SFI1: variants seen among roughly 807,000 people sequenced by gnomAD.
SFI1 encodes the protein SFI1 centrin binding protein.
In SFI1, 195 loss-of-function variants were observed where a neutral mutation model predicts 207.5. The observed-to-expected ratio is 0.94, with a 90% confidence interval of 0.84 to 1.06. The LOEUF (loss-of-function observed/expected upper bound fraction) is 1.06, where lower values mean the gene tolerates loss of function less well. Among genes scored for constraint, SFI1 ranks in the 50% least tolerant of loss-of-function variants. SFI1 has a pLI of 0.00. For missense variants in SFI1, 1,634 were observed against 1,588.0 expected (o/e 1.03, Z -0.49); for synonymous variants, 630 against 598.9 (o/e 1.05, Z -0.76).
chr22:31,559,465 G>A (rs757807173), intron 7 of SFI1: 18 of 451,598 alleles, frequency 4.0e-5, no homozygotes, highest in Middle Eastern at 7.5e-4. Flanking sequence ...CCTACACACC[G>A]CCAGTTGTGT....
chr22:31,616,349 A>C, intron 29 of SFI1: 2 of 173,542 alleles, frequency 1.2e-5, no homozygotes, highest in East Asian at 1.6e-4. Flanking sequence ...AGAGGAGGGC[A>C]TGGAAAAGGC....
intron 3 of SFI1, among the ~76,000 whole-genome samples, chr22:31,530,295 C>T (rs1602215132): frequency 6.8e-6 from 1 of 148,102 alleles, no homozygotes; most frequent in East Asian, 2.0e-4. Flanking sequence ...TCGAGACCAT[C>T]CTGGCTAACA....
chr22:31,555,513 G>T (rs971746584), intron 6 of SFI1, among the ~76,000 whole-genome samples: 4 of 152,196 alleles, frequency 2.6e-5, no homozygotes, highest in Non-Finnish European at 5.9e-5. Flanking sequence ...AAGGAAGCAT[G>T]GTTCTCAGTT....
At chr22:31,554,326 T>G (rs139722089) in intron 6 of SFI1, among the ~76,000 whole-genome samples, 1,785 of 152,250 alleles carry the variant, frequency 0.012, 10 homozygotes, top group Middle Eastern at 0.031. Flanking sequence ...TTTTAAATTT[T>G]GAGATGGAGT....
intron 5 of SFI1, among the ~76,000 whole-genome samples, chr22:31,547,840 C>G (rs2060238517): frequency 6.6e-6 from 1 of 150,876 alleles, no homozygotes; most frequent in Non-Finnish European, 1.5e-5. Flanking sequence ...AATCTCCTGA[C>G]CTCAGGTGAT....
intron 15 of SFI1, among the ~76,000 whole-genome samples, chr22:31,595,984 G>C (rs148471025): frequency 3.7e-4 from 57 of 152,270 alleles, no homozygotes; most frequent in African/African-American, 1.3e-3. Flanking sequence ...CAGGTGTGGC[G>C]GCTCATGCCT....
intron 8 of SFI1, among the ~76,000 whole-genome samples, chr22:31,571,014 T>C (rs1241022199): frequency 6.6e-6 from 1 of 152,226 alleles, no homozygotes; most frequent in Admixed American, 6.5e-5. Flanking sequence ...TCAGTAAGCC[T>C]GTGGGAGCGG....
At position 31,602,677 on chromosome 22, in the gene SFI1, G is replaced by A. The variant is rs368091647; in HGVS notation, c.1697G>A (p.Arg566His). 42 of 1,614,120 alleles carry A rather than the reference G, an allele frequency of 2.6e-5. No homozygotes were observed. Among genetic ancestry groups the A allele is most frequent in the Admixed American group, 3.3e-5 (2 of 60,006 alleles). The change falls in exon 17 of 33, where the codon CGT becomes CAT. Residue 566 changes from arginine to histidine, a missense_variant. Arg to His is a conservative substitution (Grantham distance 29). Transcript: ENST00000400288. Reference protein sequence around the residue: ...WFMWHQQAAARHQEQEWQTVA... With the variant: ...WFMWHQQAAAHHQEQEWQTVA... ...ATGTGGCACCAGCAGGCAGCAGCAC[G>A]TCACCAGGAGCAGGAGTGGCAAACA... is the stretch of plus-strand genomic sequence containing the variant.
rs1491348905 is a variant in SFI1, at chr22:31,612,426, T to TATATAA, written c.2490+587_2490+588insTATAAA. The TATATAA allele has an allele frequency of 1.7e-4, 17 of 99,922 alleles. No individual in the cohort carries two copies. In the East Asian group the frequency reaches 2.9e-3, roughly 17 times the overall value. The allele number at this position is 99,922 out of a possible 1,614,324, so 6.2% of individuals were successfully genotyped here. A position where few individuals can be genotyped will look rare whatever the true frequency, so the allele number is the denominator to read the frequency against. ...ATATATATATATATATATATATATA[T>TATATAA]AATCAGTGGGCCGGGCATGATGGCT... On this transcript the variant is annotated intron_variant, in intron 24 of 32. Coordinates refer to ENST00000400288, the MANE Select transcript of SFI1 (RefSeq NM_001007467.3).
rs1168515445 is a variant in SFI1 at position 31,584,335 on chromosome 22, T to C, written c.1346+363T>C. Among the ~76,000 whole-genome samples the C allele has an allele frequency of 2.6e-5, 4 of 152,280 alleles. No homozygotes were observed. The South Asian group carries it at 8.3e-4, about 32-fold the overall frequency. ...TCAGTCTTAAAGTGTGCAGGGAATG[T>C]CCTCAATATTTTAGAGCTAGTCATT... On this transcript the variant is annotated intron_variant, in intron 13 of 32. Coordinates refer to ENST00000400288, the MANE Select transcript of SFI1 (RefSeq NM_001007467.3).
At chr22:31,542,715 G>A (rs1210075216) in intron 4 of SFI1, among the ~76,000 whole-genome samples, 2 of 151,766 alleles carry the variant, frequency 1.3e-5, no homozygotes, top group African/African-American at 4.8e-5. Flanking sequence ...AGGCTGGAGT[G>A]CAGTGGCCTG....
At chr22:31,559,439 T>C (rs1476092102) in intron 7 of SFI1, 1 of 391,488 alleles carries the variant, frequency 2.6e-6, no homozygotes, top group East Asian at 6.1e-5. Flanking sequence ...ATAAAAAAAA[T>C]GGCTTCCGCG....
chr22:31,576,560 A>T (rs970912585), intron 10 of SFI1, among the ~76,000 whole-genome samples: 29 of 151,604 alleles, frequency 1.9e-4, no homozygotes, highest in African/African-American at 6.6e-4. Context: ...ACCCAAAGTG[A>T]TCCACTTGCC....
intron 27 of SFI1, chr22:31,614,155 C>T (rs904601496): frequency 1.9e-5 from 8 of 421,404 alleles, no homozygotes; most frequent in East Asian, 3.7e-5. Flanking sequence ...CGATCTTTTC[C>T]GGAGTCATAC....
At chr22:31,594,948 T>C (rs1382688331) in intron 15 of SFI1, among the ~76,000 whole-genome samples, 1 of 151,806 alleles carries the variant, frequency 6.6e-6, no homozygotes, top group African/African-American at 2.4e-5. Context: ...CAGCAGGTTC[T>C]TAGTATATGG....
At chr22:31,517,754 G>C (rs984106965) in intron 2 of SFI1, among the ~76,000 whole-genome samples, 4 of 151,972 alleles carry the variant, frequency 2.6e-5, no homozygotes, top group Admixed American at 2.0e-4. Context: ...TGTCCATTAA[G>C]GCCAAGTCTG....
chr22:31,594,711 C>T (rs1243530177), intron 15 of SFI1, among the ~76,000 whole-genome samples: 5 of 151,002 alleles, frequency 3.3e-5, no homozygotes, highest in South Asian at 2.1e-4. Flanking sequence ...AAAAATTAGC[C>T]GGGCGTGGTG....
intron 5 of SFI1, among the ~76,000 whole-genome samples, chr22:31,547,937 G>A (rs1174087119): frequency 2.0e-5 from 3 of 150,280 alleles, no homozygotes; most frequent in Non-Finnish European, 3.0e-5. Flanking sequence ...AATTGTGGCC[G>A]GGCATGGTGG....
At chr22:31,573,013 T>A in intron 8 of SFI1, 45 bp from the exon 9 acceptor site, 1 of 1,599,046 alleles carries the variant, frequency 6.3e-7, no homozygotes, top group Non-Finnish European at 8.5e-7. Flanking sequence ...CTTCACCCTG[T>A]TTTCCTGCCT....
Sources: gnomAD v4.1 joint callset for allele counts (sites outside exome capture counted in the v4.1 genomes callset) on GRCh38, gnomAD v4.1.1 for gene constraint, MANE v1.5 for transcripts, NCBI Gene and HGNC (gene_info 2026-07-23, HGNC 2026-07-21) for gene names.